CBFA2T3: variants seen among roughly 807,000 people sequenced by gnomAD.
CBFA2T3 encodes the protein CBFA2/RUNX1 partner transcriptional co-repressor 3.
A neutral mutation model predicts 58.6 loss-of-function variants in CBFA2T3; 31 were observed. The observed-to-expected ratio is 0.53, with a 90% CI of 0.40 to 0.71. The LOEUF is 0.71. Ranked by LOEUF, CBFA2T3 falls within the 30% of genes least tolerant of loss-of-function variation. The pLI is 0.00. For synonymous variants in CBFA2T3, 531 were observed against 421.9 expected (o/e 1.26, Z -3.17); for missense variants, 1,076 against 963.1 (o/e 1.12, Z -1.55).
intron 1 of CBFA2T3, among the ~76,000 whole-genome samples, chr16:88,974,720 G>C (rs561694744): frequency 6.6e-6 from 1 of 152,146 alleles, no homozygotes; most frequent in African/African-American, 2.4e-5. Flanking sequence ...GCCACACAGT[G>C]GGGCTGAGGT....
At chr16:88,900,531 T>C (rs1477771272) in intron 2 of CBFA2T3, among the ~76,000 whole-genome samples, 1 of 152,154 alleles carries the variant, frequency 6.6e-6, no homozygotes, top group Non-Finnish European at 1.5e-5. Flanking sequence ...TTCTGGCCCG[T>C]CAGGGACCCG....
intron 1 of CBFA2T3, among the ~76,000 whole-genome samples, chr16:88,907,505 C>T (rs1970377714): frequency 6.6e-6 from 1 of 152,200 alleles, no homozygotes; most frequent in South Asian, 2.1e-4. Context: ...AGGACCAACT[C>T]TGTCCTCACG....
At chr16:88,927,754 C>T (rs1211259759) in intron 1 of CBFA2T3, among the ~76,000 whole-genome samples, 5 of 152,188 alleles carry the variant, frequency 3.3e-5, no homozygotes, top group African/African-American at 4.8e-5. Context: ...GCCGTCCGCC[C>T]GTGCGGACAC....
chr16:88,880,994 C>T (rs1969046734), intron 9 of CBFA2T3: 4 of 674,036 alleles, frequency 5.9e-6, no homozygotes, highest in Non-Finnish European at 8.0e-6. Flanking sequence ...GGACCTTGGA[C>T]TCGGCTGGGA....
intron 7 of CBFA2T3, chr16:88,884,839 G>T (rs1320268918): frequency 6.3e-6 from 3 of 475,800 alleles, no homozygotes; most frequent in Non-Finnish European, 1.1e-5. Flanking sequence ...CACCCCGGGG[G>T]GAGAGGTGGG....
At chr16:88,881,056 G>T (rs1229994968) in intron 9 of CBFA2T3, 1 of 706,062 alleles carries the variant, frequency 1.4e-6, no homozygotes, top group African/African-American at 1.8e-5. Flanking sequence ...CTGAGGCGGA[G>T]AAGCAGAGAC....
At position 88,901,775 on chromosome 16, in the gene CBFA2T3, C is replaced by G. The variant is rs549212360; in HGVS notation, c.152-119G>C. On this transcript the variant is annotated intron_variant, in intron 1 of 11. Coordinates refer to ENST00000268679, the MANE Select transcript of CBFA2T3 (RefSeq NM_005187.6). ...AGTGTCCGCCCAGCGCTGGGGCAGT[C>G]TGCCCCAGGTGTCCTGACAGGTGGC... 2.9e-5 allele frequency: 25 copies of G among 876,962 alleles called. No individual in the cohort carries two copies. The African/African-American group carries it at 3.1e-4, about 11-fold the overall frequency. 54.3% of individuals were successfully genotyped at this position (876,962 alleles called of 1,614,324 possible). A position where few individuals can be genotyped will look rare whatever the true frequency, so the allele number is the denominator to read the frequency against.
At chr16:88,915,935 TGA>T (rs1259918733) in intron 1 of CBFA2T3, among the ~76,000 whole-genome samples, 1 of 152,018 alleles carries the variant, frequency 6.6e-6, no homozygotes, top group East Asian at 1.9e-4. Context: ...TGTGTGCGTG[TGA>T]GTGTGCATGC....
rs1163492978 is a variant in CBFA2T3 at position 88,953,697 on chromosome 16, C to T, written c.151+22960G>A. Among the ~76,000 whole-genome samples the T allele has an allele frequency of 6.6e-6, 1 of 152,208 alleles. No individual in the cohort carries two copies. The highest frequency in any genetic ancestry group is 2.4e-5 in the African/African-American group (1 of 41,448). On this transcript the variant is annotated intron_variant, in intron 1 of 11. Coordinates refer to ENST00000268679, the MANE Select transcript of CBFA2T3 (RefSeq NM_005187.6). The surrounding 1 kb of genome is among the most constrained non-coding windows in gnomAD (Gnocchi z 4.9). ...CCAAAGCGCCTTTTGCTGTATTCGG[C>T]ACCCTGAGACCCTTATGTCTGCCTA... is the stretch of plus-strand genomic sequence containing the variant.
intron 1 of CBFA2T3, among the ~76,000 whole-genome samples, chr16:88,949,941 C>G (rs1972006994): frequency 6.6e-6 from 1 of 151,788 alleles, no homozygotes; most frequent in African/African-American, 2.4e-5. Context: ...ACCCGGGAGG[C>G]AGAGTTGCAA....
chr16:88,973,735 A>C (rs1486054567), intron 1 of CBFA2T3, among the ~76,000 whole-genome samples: 4 of 152,202 alleles, frequency 2.6e-5, no homozygotes, highest in African/African-American at 7.2e-5. Flanking sequence ...GGCAAAGCCC[A>C]GCCCCAAGGG....
chr16:88,899,782 G>A (rs1277293244), intron 2 of CBFA2T3, among the ~76,000 whole-genome samples: 3 of 152,240 alleles, frequency 2.0e-5, no homozygotes, highest in Non-Finnish European at 2.9e-5. Context: ...TGGAGCGGGT[G>A]TTTTAGGCAC....
chr16:88,916,972 G>C (rs1316151733), intron 1 of CBFA2T3, among the ~76,000 whole-genome samples: 1 of 151,782 alleles, frequency 6.6e-6, no homozygotes, highest in African/African-American at 2.4e-5. Flanking sequence ...TGCTTAGGAG[G>C]CTGAGGCAGG....
chr16:88,974,026 C>T (rs1972724438), intron 1 of CBFA2T3, among the ~76,000 whole-genome samples: 1 of 152,246 alleles, frequency 6.6e-6, no homozygotes, highest in South Asian at 2.1e-4. Context: ...CCAGGCAGGC[C>T]TGACTCAGTT....
intron 1 of CBFA2T3, among the ~76,000 whole-genome samples, chr16:88,907,302 C>T (rs796575997): frequency 9.2e-5 from 14 of 152,250 alleles, no homozygotes; most frequent in African/African-American, 3.1e-4. Context: ...CCCTGGCTAT[C>T]CTCCTGTGGC....
intron 3 of CBFA2T3, among the ~76,000 whole-genome samples, chr16:88,896,682 C>T (rs778311168): frequency 3.9e-5 from 6 of 152,166 alleles, no homozygotes; most frequent in African/African-American, 1.2e-4. Flanking sequence ...CTCACTGCAG[C>T]GGGAGGCTGG....
chr16:88,884,487 G>T (rs1379214633), intron 7 of CBFA2T3: 1 of 152,414 alleles, frequency 6.6e-6, no homozygotes, highest in African/African-American at 2.4e-5. Flanking sequence ...GTGGTATGGG[G>T]GTGCTGACGC....
intron 1 of CBFA2T3, among the ~76,000 whole-genome samples, chr16:88,919,656 C>G (rs959678615): frequency 6.6e-6 from 1 of 152,186 alleles, no homozygotes; most frequent in Non-Finnish European, 1.5e-5. Context: ...CCCAGAGCAG[C>G]CTCTCCGCGG....
chr16:88,946,570 C>T (rs1407126574), intron 1 of CBFA2T3, among the ~76,000 whole-genome samples: 1 of 150,568 alleles, frequency 6.6e-6, no homozygotes, highest in Non-Finnish European at 1.5e-5. Flanking sequence ...GCAACCTCTG[C>T]CTCCCGGGTT....
Sources: allele counts gnomAD v4.1 joint callset (sites outside exome capture counted in the v4.1 genomes callset), GRCh38; gene constraint gnomAD v4.1.1; non-coding constraint Gnocchi (gnomAD v3.1); transcripts MANE v1.5; gene names NCBI Gene and HGNC (gene_info 2026-07-23, HGNC 2026-07-21).